Variants in MYH6 observed in about 807,000 individuals in gnomAD.
The protein encoded by MYH6 is myosin-6.
Under a neutral mutation model 223.2 loss-of-function variants are expected in MYH6, and 126 were observed. The observed-to-expected ratio is 0.56, with a 90% CI of 0.49 to 0.65. The LOEUF is 0.65. MYH6 is among the 30% of genes least tolerant of loss of function. MYH6 has a pLI of 0.00. For missense variants in MYH6, 2,040 were observed against 2,536.4 expected (o/e 0.80, Z 4.20); for synonymous variants, 978 against 1,010.2 (o/e 0.97, Z 0.61).
chr14:23,399,278 C>T lies in MYH6; in HGVS notation c.1582-241G>A, dbSNP rs375611668. On this transcript the variant is annotated intron_variant, in intron 14 of 38. Transcript: ENST00000405093. ...GAGTCATGCACTCCTAATCACCCCC[C>T]ACAAGGCCCACAGTGCCTCACAGCA... 2.4e-4 allele frequency among the ~76,000 whole-genome samples: 36 copies of T among 152,274 alleles called. No homozygotes were observed. The East Asian group carries it at 2.9e-3, about 12-fold the overall frequency.
Position 23,404,731 on chromosome 14 carries a change from C to G in MYH6, c.622G>C (p.Asp208His). 1 of 1,614,152 alleles carries G rather than the reference C, an allele frequency of 6.2e-7. No individual in the cohort carries two copies. The change falls in exon 7 of 39, where the codon GAC becomes CAC. Residue 208 changes from aspartate (D) to histidine (H), a missense_variant. Transcript: ENST00000405093. The part of the protein sequence containing the change: ...IAAIGDRGKK[D>H]NANANKGTLE... ...GGCACCTTGTTCGCATTGGCATTGT[C>G]CTTCTTGCCACGGTCACCTATGGCT...
Position 23,400,913 on chromosome 14 carries a change from G to T in MYH6, c.1206C>A (p.His402Gln), listed in dbSNP as rs760827414. 2 of 1,614,228 alleles carry T rather than the reference G, an allele frequency of 1.2e-6. No individual in the cohort carries two copies. Among genetic ancestry groups the T allele is most frequent in the South Asian group, 1.1e-5 (1 of 91,088 alleles). ...ACTCGTTGCCCACTTTCACCCGAGG[G>T]TGGCACAGCCCCTTGAGCAGGTCAG... Reference protein sequence around the residue: ...NSADLLKGLCHPRVKVGNEYV... With the variant: ...NSADLLKGLCQPRVKVGNEYV... The change falls in exon 13 of 39, where the codon CAC becomes CAA. Residue 402 changes from histidine to glutamine, a missense_variant. Transcript: ENST00000405093.
intron 34 of MYH6, among the ~76,000 whole-genome samples, 171 bp from the exon 35 acceptor site, chr14:23,385,212 T>C (rs561750570): frequency 1.3e-5 from 2 of 152,014 alleles, no homozygotes; most frequent in Non-Finnish European, 2.9e-5. Flanking sequence ...TGAAAGTGCA[T>C]ACATTCTAGA....
Position 23,405,573 on chromosome 14 carries a change from A to G in MYH6, c.345+54T>C, listed in dbSNP as rs890348511. The G allele has an allele frequency of 3.7e-6, 6 of 1,613,056 alleles. No homozygotes were observed. The highest frequency in any genetic ancestry group is 5.1e-6 in the Non-Finnish European group (6 of 1,179,518). ...CTTCTTGGGAGAGCCCCCCTGGCTTATTTAGGCCTCCACGCAGCACAGGAA... is the reference window on the plus strand; with the variant it reads ...CTTCTTGGGAGAGCCCCCCTGGCTTGTTTAGGCCTCCACGCAGCACAGGAA... On this transcript the variant is annotated intron_variant, in intron 4 of 38. Transcript: ENST00000405093. This position sits in a 1 kb window ranked among gnomAD's most constrained non-coding sequence, Gnocchi z 4.7.
intron 15 of MYH6, among the ~76,000 whole-genome samples, chr14:23,397,821 T>C (rs531240982): frequency 3.7e-4 from 56 of 152,192 alleles, no homozygotes; most frequent in Admixed American, 1.2e-3. Flanking sequence ...AGCTCACTGG[T>C]GCTTGCCCAT....
chr14:23,389,002 C>T lies in MYH6; in HGVS notation c.4032G>A (p.Leu1344=), dbSNP rs1455525626. The T allele has an allele frequency of 6.2e-7, 1 of 1,613,126 alleles. No individual in the cohort carries two copies. ...TCTCCTCCTCGTACTGCTCCCGCAG[C>T]AGGTCGCAGTCATGCCGGGCCGACT... The part of the protein sequence containing the change: ...ALQSARHDCD[L]LREQYEEETE... Residue 1344 remains leucine (L), a synonymous_variant, in exon 29 of 39, where the codon CTG becomes CTA. Coordinates refer to ENST00000405093, the MANE Select transcript of MYH6 (RefSeq NM_002471.4).
At position 23,405,557 on chromosome 14, in the gene MYH6, A is replaced by G; in HGVS notation, c.345+70T>C. 6.2e-7 allele frequency: 1 copy of G among 1,609,776 alleles called. No individual in the cohort carries two copies. Among genetic ancestry groups the G allele is most frequent in the Non-Finnish European group, 8.5e-7 (1 of 1,177,622 alleles). ...GGGAGTCTCTCCCCCTCTTCTTGGGAGAGCCCCCCTGGCTTATTTAGGCCT... is the reference window on the plus strand; with the variant it reads ...GGGAGTCTCTCCCCCTCTTCTTGGGGGAGCCCCCCTGGCTTATTTAGGCCT... On this transcript the variant is annotated intron_variant, in intron 4 of 38. Coordinates refer to ENST00000405093, the MANE Select transcript of MYH6 (RefSeq NM_002471.4). The surrounding 1 kb of genome is among the most constrained non-coding windows in gnomAD (Gnocchi z 4.7).
At position 23,397,085 on chromosome 14, in the gene MYH6, G is replaced by A. The variant is rs931414611; in HGVS notation, c.2051-5C>T. 6.2e-7 allele frequency: 1 copy of A among 1,614,238 alleles called. No homozygotes were observed. The highest frequency in any genetic ancestry group is 1.1e-5 in the South Asian group (1 of 91,086). ...CCAGGGGGTTGTCCATCACCCCTGTGTCAGGAGGGAAGGGGAAAGGGTCAG... is the reference window on the plus strand; with the variant it reads ...CCAGGGGGTTGTCCATCACCCCTGTATCAGGAGGGAAGGGGAAAGGGTCAG... On this transcript the variant is annotated splice_region_variant and splice_polypyrimidine_tract_variant and intron_variant, in intron 17 of 38. Coordinates refer to ENST00000405093, the MANE Select transcript of MYH6 (RefSeq NM_002471.4).
intron 3 of MYH6, among the ~76,000 whole-genome samples, chr14:23,406,673 A>G (rs1891798313): frequency 6.6e-6 from 1 of 152,210 alleles, no homozygotes; most frequent in South Asian, 2.1e-4. Context: ...GGACTCATGG[A>G]GGAAACTGAG....
chr14:23,383,339 G>GGGGGGGGGGCCCCCCCC lies in MYH6; in HGVS notation c.5566-20_5566-19insGGGGGGGGCCCCCCCCC. 9.2e-6 allele frequency: 1 copy of GGGGGGGGGGCCCCCCCC among 108,148 alleles called. No homozygotes were observed. The highest frequency in any genetic ancestry group is 1.8e-5 in the Non-Finnish European group (1 of 54,352). 6.7% of individuals were successfully genotyped at this position (108,148 alleles called of 1,614,324 possible). ...CCTCTGTCTGGGGGTGGGAGGGTGG[G>GGGGGGGGGGCCCCCCCC]AGAAGCTGGTTTGGAGGGGGAGCAA... is the stretch of plus-strand genomic sequence containing the variant. On this transcript the variant is annotated intron_variant, in intron 36 of 38. Transcript: ENST00000405093.
rs1394000615 is a variant in MYH6 at position 23,382,563 on chromosome 14, C to T, written c.5662-1G>A. On this transcript the variant is annotated splice_acceptor_variant, in intron 37 of 38. Transcript: ENST00000405093. LOFTEE classifies it high-confidence loss of function. ...ACAGGTTGGTGTTGGCTTGCTCCTCCTGTGGTGGGACAGTGGGGATGGGTG... is the reference window on the plus strand; with the variant it reads ...ACAGGTTGGTGTTGGCTTGCTCCTCTTGTGGTGGGACAGTGGGGATGGGTG... The T allele has an allele frequency of 6.2e-7, 1 of 1,614,162 alleles. No individual in the cohort carries two copies. Among genetic ancestry groups the T allele is most frequent in the South Asian group, 1.1e-5 (1 of 91,088 alleles).
chr14:23,397,947 T>TTCG (rs1329314757), intron 15 of MYH6, among the ~76,000 whole-genome samples: 1 of 71,256 alleles, frequency 1.4e-5, no homozygotes, highest in African/African-American at 6.6e-5. Context: ...CTTCTTCTTC[T>TTCG]TCTTCTTCTT....
rs1891308256 is a variant in MYH6 at position 23,393,702 on chromosome 14, G to T, written c.2892C>A (p.Ala964=). 6.2e-7 allele frequency: 1 copy of T among 1,613,984 alleles called. No homozygotes were observed. Among genetic ancestry groups the T allele is most frequent in the African/African-American group, 1.3e-5 (1 of 74,892 alleles). The change falls in exon 22 of 39, where the codon GCC becomes GCA. Residue 964 remains alanine, a synonymous_variant. Coordinates refer to ENST00000405093, the MANE Select transcript of MYH6 (RefSeq NM_002471.4). The part of the protein sequence containing the change: ...KDIDDLELTL[A]KVEKEKHATE... Reference sequence around the variant, plus strand: ...TTGCATGCTTCTCCTTCTCCACCTTGGCCAGTGTCAGCTCCAGGTCATCAA... The same window carrying T: ...TTGCATGCTTCTCCTTCTCCACCTTTGCCAGTGTCAGCTCCAGGTCATCAA...
At position 23,386,531 on chromosome 14, in the gene MYH6, C is replaced by A. The variant is rs769723233; in HGVS notation, c.4743G>T (p.Lys1581Asn). ...GCTTGGCCTGTTCCATCTCCTCGTCCTTCTCTGCCAGCTTCCGCTCGATCT... is the reference window on the plus strand; with the variant it reads ...GCTTGGCCTGTTCCATCTCCTCGTCATTCTCTGCCAGCTTCCGCTCGATCT... Reference protein sequence around the residue: ...KAEIERKLAEKDEEMEQAKRN... With the variant: ...KAEIERKLAENDEEMEQAKRN... The change falls in exon 33 of 39, where the codon AAG becomes AAT. Residue 1581 changes from lysine (K) to asparagine (N), a missense_variant. By Grantham distance (94) the Lys-to-Asn change is moderately conservative. Transcript: ENST00000405093. 6.2e-7 allele frequency: 1 copy of A among 1,614,100 alleles called. No individual in the cohort carries two copies. The highest frequency in any genetic ancestry group is 8.5e-7 in the Non-Finnish European group (1 of 1,180,002).
At position 23,403,330 on chromosome 14, in the gene MYH6, G is replaced by A. The variant is rs761108944; in HGVS notation, c.898+18C>T. On this transcript the variant is annotated intron_variant, in intron 10 of 38. Transcript: ENST00000405093. ...GCAGCAGGGACAGCAGTGGGTGGGGGGTGGCAGGCAGGTTCACCCAGCAAC... is the reference window on the plus strand; with the variant it reads ...GCAGCAGGGACAGCAGTGGGTGGGGAGTGGCAGGCAGGTTCACCCAGCAAC... 2 of 1,601,680 alleles carry A rather than the reference G, an allele frequency of 1.2e-6. No individual in the cohort carries two copies. Among genetic ancestry groups the A allele is most frequent in the Non-Finnish European group, 1.7e-6 (2 of 1,168,852 alleles).
intron 1 of MYH6, 109 bp downstream of exon 1, chr14:23,408,144 G>T: frequency 5.3e-6 from 4 of 756,274 alleles, no homozygotes; most frequent in Non-Finnish European, 6.4e-6. Context: ...TTTTAATAGA[G>T]CCCTTAGGCC....
chr14:23,396,307 C>T lies in MYH6; in HGVS notation c.2406G>A (p.Glu802=), dbSNP rs1566511224. The change falls in exon 20 of 39, where the codon GAG becomes GAA. Residue 802 remains glutamate, a synonymous_variant. Transcript: ENST00000405093. The stretch of plus-strand genomic sequence containing the variant: ...ACCTGCGTTCCACTATCTTCTTGAA[C>T]TCAATGCGCATGAGCTGGCCCCGGG... The part of the protein sequence containing the change: ...AQARGQLMRI[E]FKKIVERRDA... 1 of 1,614,210 alleles carries T rather than the reference C, an allele frequency of 6.2e-7. No individual in the cohort carries two copies. The highest frequency in any genetic ancestry group is 8.5e-7 in the Non-Finnish European group (1 of 1,180,052).
intron 36 of MYH6, 32 bp downstream of exon 36, chr14:23,384,410 C>A (rs1467352388): frequency 3.1e-6 from 5 of 1,605,968 alleles, no homozygotes; most frequent in Non-Finnish European, 4.2e-6. Context: ...GAAACTTCCA[C>A]ATCTACTCCT....
At position 23,383,303 on chromosome 14, in the gene MYH6, C is replaced by A. The variant is rs542415393; in HGVS notation, c.5583G>T (p.Lys1861Asn). Residue 1861 changes from lysine (K) to asparagine (N), a missense_variant, in exon 37 of 39, where the codon AAG becomes AAT. Transcript: ENST00000405093. ...CCAGGTCCTGTAGCCGCAGCAGGTT[C>A]TTTTTGTCTTCCTCTGTCTGGGGGT... ...ELTYQTEEDK[K>N]NLLRLQDLVD... The A allele has an allele frequency of 2.8e-6, 2 of 707,340 alleles. No homozygotes were observed. Among genetic ancestry groups the A allele is most frequent in the South Asian group, 6.1e-5 (2 of 32,656 alleles). 43.8% of individuals were successfully genotyped at this position (707,340 alleles called of 1,614,324 possible). A position where few individuals can be genotyped will look rare whatever the true frequency, so the allele number is the denominator to read the frequency against.
Sources: allele counts gnomAD v4.1 joint callset (sites outside exome capture counted in the v4.1 genomes callset), GRCh38; gene constraint gnomAD v4.1.1; non-coding constraint Gnocchi (gnomAD v3.1); transcripts MANE v1.5; gene names NCBI Gene and HGNC (gene_info 2026-07-23, HGNC 2026-07-21).